ANKRD36C: variants seen among roughly 807,000 people sequenced by gnomAD.
ANKRD36C encodes the protein ankyrin repeat domain 36C.
In ANKRD36C, 61 loss-of-function variants were observed where a neutral mutation model predicts 276.4. The observed-to-expected ratio is 0.22, with a 90% CI of 0.18 to 0.27. The LOEUF (loss-of-function observed/expected upper bound fraction) is 0.27. ANKRD36C is among the 10% of genes least tolerant of loss of function. The pLI, the probability that ANKRD36C is intolerant of heterozygous loss-of-function variation, is 1.00. For missense variants in ANKRD36C, 1,447 were observed against 2,032.3 expected (o/e 0.71, Z 5.54); for synonymous variants, 483 against 680.1 (o/e 0.71, Z 4.51).
intron 61 of ANKRD36C, among the ~76,000 whole-genome samples, chr2:95,859,480 T>G (rs1431790411): frequency 6.6e-6 from 1 of 152,144 alleles, no homozygotes; most frequent in Non-Finnish European, 1.5e-5. Context: ...TTTCTATACT[T>G]TAACCAGAAG....
chr2:95,973,792 A>G (rs1374747042), intron 6 of ANKRD36C, among the ~76,000 whole-genome samples: 3 of 152,214 alleles, frequency 2.0e-5, no homozygotes, highest in Non-Finnish European at 4.4e-5. Context: ...CTATAATTCC[A>G]GCACTTTGGG....
intron 22 of ANKRD36C, among the ~76,000 whole-genome samples, chr2:95,937,592 G>T (rs909894159): frequency 6.6e-6 from 1 of 152,298 alleles, no homozygotes; most frequent in Non-Finnish European, 1.5e-5. Context: ...CCAACAAAGG[G>T]GTCCTAAACT....
At chr2:95,979,456 A>G (rs1486456960) in intron 5 of ANKRD36C, among the ~76,000 whole-genome samples, 1 of 152,164 alleles carries the variant, frequency 6.6e-6, no homozygotes, top group East Asian at 1.9e-4. Flanking sequence ...AGATAATTCC[A>G]ATGAATGGCT....
intron 54 of ANKRD36C, among the ~76,000 whole-genome samples, 180 bp downstream of exon 74, chr2:95,883,993 G>A (rs1256713096): frequency 6.6e-6 from 1 of 151,710 alleles, no homozygotes; most frequent in African/African-American, 2.4e-5. Context: ...ATCTTACTTC[G>A]AAGATCACGT....
intron 24 of ANKRD36C, among the ~76,000 whole-genome samples, chr2:95,931,549 A>G (rs924554968): frequency 6.6e-6 from 1 of 150,502 alleles, no homozygotes; most frequent in African/African-American, 2.4e-5. Context: ...ACAAGCTCTG[A>G]AATTTTATTG....
chr2:95,870,643 C>T (rs973113732), intron 59 of ANKRD36C, among the ~76,000 whole-genome samples: 5 of 152,196 alleles, frequency 3.3e-5, no homozygotes, highest in Non-Finnish European at 7.3e-5. Flanking sequence ...TCCTCACCAG[C>T]AACAGAACAA....
At chr2:95,976,492 T>C (rs1216696111) in intron 6 of ANKRD36C, among the ~76,000 whole-genome samples, 1 of 152,086 alleles carries the variant, frequency 6.6e-6, no homozygotes. Context: ...TTATCAGGGG[T>C]TTCAGTACAA....
chr2:95,881,217 T>C (rs1291880179), intron 56 of ANKRD36C, among the ~76,000 whole-genome samples: 1 of 152,066 alleles, frequency 6.6e-6, no homozygotes, highest in Non-Finnish European at 1.5e-5. Context: ...TGTGGTGTAA[T>C]AATCTGCCTA....
At chr2:95,860,414 C>G (rs1391225432) in intron 60 of ANKRD36C, among the ~76,000 whole-genome samples, 1 of 151,154 alleles carries the variant, frequency 6.6e-6, no homozygotes, top group Non-Finnish European at 1.5e-5. Context: ...AGATGCTACA[C>G]TGAGAAATGA....
chr2:95,853,565 C>A (rs1252673255), intron 64 of ANKRD36C, 144 bp downstream of exon 84: 3 of 702,462 alleles, frequency 4.3e-6, no homozygotes, highest in Admixed American at 3.5e-5. Flanking sequence ...CAGAAGAAAG[C>A]CATCCACTAT....
At chr2:95,948,196 TA>T (rs1194867944) in intron 17 of ANKRD36C, among the ~76,000 whole-genome samples, 2 of 152,090 alleles carry the variant, frequency 1.3e-5, no homozygotes, top group African/African-American at 4.8e-5. Flanking sequence ...CAACTCAGAG[TA>T]AAAACACTTA....
chr2:95,876,121 T>C lies in ANKRD36C; in HGVS notation c.3540+318A>G, dbSNP rs1202072145. On this transcript the variant is annotated intron_variant, in intron 59 of 66. Transcript: ENST00000456556. ...TCATCACTGTTAAATTGTTCATAAT[T>C]TCTATTGCTTAAAATTGTAATTCAA... 1.4e-4 allele frequency: 47 copies of C among 326,336 alleles called. No individual in the cohort carries two copies. In the East Asian group the frequency reaches 3.4e-3, roughly 24 times the overall value. 20.2% of individuals were successfully genotyped at this position (326,336 alleles called of 1,614,324 possible). A position where few individuals can be genotyped will look rare whatever the true frequency, so the allele number is the denominator to read the frequency against.
At chr2:95,878,949 C>T (rs1676014016) in intron 58 of ANKRD36C, among the ~76,000 whole-genome samples, 1 of 152,136 alleles carries the variant, frequency 6.6e-6, no homozygotes, top group Admixed American at 6.6e-5. Context: ...CCAGCAATCC[C>T]ATTGCTAGGT....
intron 24 of ANKRD36C, among the ~76,000 whole-genome samples, chr2:95,930,762 T>C (rs915856976): frequency 1.3e-4 from 20 of 151,326 alleles, no homozygotes; most frequent in African/African-American, 4.8e-4. Flanking sequence ...TCACATGATA[T>C]ACCATCGGGG....
chr2:95,867,544 T>C, exon 60 of ANKRD36C: 1 of 1,461,588 alleles, frequency 6.8e-7, no homozygotes, highest in South Asian at 1.3e-5. Context: ...CTGAATTATG[T>C]CATCAAGGTC....
chr2:95,966,647 CTCT>C (rs2104514853), intron 6 of ANKRD36C, among the ~76,000 whole-genome samples: 1 of 152,150 alleles, frequency 6.6e-6, no homozygotes, highest in African/African-American at 2.4e-5. Context: ...GCTATATGGG[CTCT>C]TTTTTTGGTT....
intron 17 of ANKRD36C, among the ~76,000 whole-genome samples, chr2:95,947,132 A>G (rs1301079652): frequency 1.3e-5 from 2 of 152,154 alleles, no homozygotes; most frequent in Admixed American, 1.3e-4. Flanking sequence ...AGAAAATTTA[A>G]TCTAAAATCC....
intron 38 of ANKRD36C, among the ~76,000 whole-genome samples, chr2:95,915,164 G>T (rs551643918): frequency 2.0e-5 from 3 of 151,582 alleles, no homozygotes; most frequent in South Asian, 2.1e-4. Flanking sequence ...AGCCTTGTTA[G>T]GAGTATCATG....
chr2:95,907,378 G>A (rs1171471170), intron 42 of ANKRD36C: 1 of 56,452 alleles, frequency 1.8e-5, no homozygotes, highest in Non-Finnish European at 3.5e-5. Context: ...CTGATACCTA[G>A]TAGATAATAT....
Sources: gnomAD v4.1 joint callset for allele counts (sites outside exome capture counted in the v4.1 genomes callset) on GRCh38, gnomAD v4.1.1 for gene constraint, MANE v1.5 for transcripts, NCBI Gene and HGNC (gene_info 2026-07-23, HGNC 2026-07-21) for gene names.